CCDC192: variants seen among roughly 807,000 people sequenced by gnomAD.
CCDC192 encodes coiled-coil domain containing 192.
At chr5:127,887,531 C>A (rs1752604613) in intron 6 of CCDC192, among the ~76,000 whole-genome samples, 1 of 151,978 alleles carries the variant, frequency 6.6e-6, no homozygotes, top group African/African-American at 2.4e-5. Context: ...TTTGATGGCT[C>A]TTCAGAGTAA....
At chr5:127,830,886 C>G (rs1749764977) in intron 5 of CCDC192, among the ~76,000 whole-genome samples, 1 of 152,208 alleles carries the variant, frequency 6.6e-6, no homozygotes, top group East Asian at 1.9e-4. Context: ...TATCTAAACA[C>G]AGAATGTTAA....
chr5:127,908,694 T>A (rs1301547364), intron 6 of CCDC192, among the ~76,000 whole-genome samples: 11 of 152,202 alleles, frequency 7.2e-5, no homozygotes, highest in Non-Finnish European at 1.5e-4. Flanking sequence ...TATTTTTATT[T>A]CTCCCTCGCA....
At chr5:127,769,207 C>T (rs1755407427) in intron 3 of CCDC192, among the ~76,000 whole-genome samples, 1 of 152,004 alleles carries the variant, frequency 6.6e-6, no homozygotes, top group African/African-American at 2.4e-5. Flanking sequence ...ATAATTGCAC[C>T]AAGTGATGGA....
intron 6 of CCDC192, among the ~76,000 whole-genome samples, chr5:127,939,503 GT>G (rs1331066925): frequency 6.6e-6 from 1 of 152,078 alleles, no homozygotes; most frequent in African/African-American, 2.4e-5. Flanking sequence ...ATTCTTAAAT[GT>G]TAGTAAAGAG....
rs981418289 is a variant in CCDC192, at chr5:127,707,404, C to A, written c.63-305C>A. ...TTAGGAGGTTATGCTTTCCTCTCCC[C>A]ACTTTTTTTTTTTTAGTTGAAATAC... is the stretch of plus-strand genomic sequence containing the variant. On this transcript the variant is annotated intron_variant, in intron 1 of 6. Transcript: ENST00000514853. Among the ~76,000 whole-genome samples, 49 of 85,498 alleles carry A rather than the reference C, an allele frequency of 5.7e-4. 1 individual carries two copies. The highest frequency in any genetic ancestry group is 4.8e-3 in the Admixed American group (45 of 9,318). 56.1% of individuals were successfully genotyped at this position (85,498 alleles called of 152,430 possible).
At chr5:127,791,066 C>T (rs1226700486) in intron 3 of CCDC192, among the ~76,000 whole-genome samples, 2 of 152,066 alleles carry the variant, frequency 1.3e-5, no homozygotes, top group Non-Finnish European at 2.9e-5. Flanking sequence ...ACATATGATA[C>T]CTTATGAAGA....
chr5:127,824,320 A>G (rs554970922), intron 5 of CCDC192, among the ~76,000 whole-genome samples: 1 of 152,318 alleles, frequency 6.6e-6, no homozygotes, highest in African/African-American at 2.4e-5. Flanking sequence ...GAATTGCTCA[A>G]TGTCCCATGA....
intron 6 of CCDC192, among the ~76,000 whole-genome samples, chr5:127,876,210 C>T (rs1309839084): frequency 6.7e-6 from 1 of 150,258 alleles, no homozygotes; most frequent in Non-Finnish European, 1.5e-5. Flanking sequence ...CTCCAGCTAA[C>T]AAATTATAAA....
chr5:127,773,007 G>T (rs778326130), intron 3 of CCDC192, among the ~76,000 whole-genome samples: 17 of 152,100 alleles, frequency 1.1e-4, no homozygotes, highest in Non-Finnish European at 2.2e-4. Context: ...TTTGAAGAGA[G>T]GGGAAGTATG....
intron 5 of CCDC192, among the ~76,000 whole-genome samples, chr5:127,828,365 C>T (rs1246937754): frequency 6.6e-6 from 1 of 152,176 alleles, no homozygotes; most frequent in Non-Finnish European, 1.5e-5. Flanking sequence ...AAAAATGCAT[C>T]ACACCTTTAG....
intron 3 of CCDC192, among the ~76,000 whole-genome samples, chr5:127,783,844 T>C (rs1276081191): frequency 6.6e-6 from 1 of 152,240 alleles, no homozygotes; most frequent in Admixed American, 6.5e-5. Context: ...TTTAGGATTG[T>C]GATACTTTCC....
At chr5:127,938,763 A>C (rs1754260660) in intron 6 of CCDC192, among the ~76,000 whole-genome samples, 1 of 152,248 alleles carries the variant, frequency 6.6e-6, no homozygotes, top group Admixed American at 6.5e-5. Flanking sequence ...ATTTTTATTC[A>C]GACTAGCCAC....
chr5:127,897,065 T>C (rs1339352199), intron 6 of CCDC192, among the ~76,000 whole-genome samples: 1 of 148,192 alleles, frequency 6.7e-6, no homozygotes, highest in Non-Finnish European at 1.5e-5. Flanking sequence ...CTCTCTCTTT[T>C]TTTTTTTAAA....
intron 2 of CCDC192, among the ~76,000 whole-genome samples, chr5:127,712,583 C>T (rs767284050): frequency 1.3e-4 from 20 of 152,210 alleles, no homozygotes; most frequent in Admixed American, 2.6e-4. Context: ...AAATAAACCT[C>T]TTTTCTTTTC....
intron 2 of CCDC192, among the ~76,000 whole-genome samples, chr5:127,753,171 T>C (rs1754334099): frequency 6.6e-6 from 1 of 152,194 alleles, no homozygotes; most frequent in Non-Finnish European, 1.5e-5. Flanking sequence ...TGGAAGCAGC[T>C]GCAGCAGGAG....
chr5:127,903,930 C>T (rs1189054802), intron 6 of CCDC192, among the ~76,000 whole-genome samples: 1 of 152,062 alleles, frequency 6.6e-6, no homozygotes, highest in African/African-American at 2.4e-5. Flanking sequence ...AATGACCCTC[C>T]CCCAAAAGAT....
chr5:127,815,976 TA>T (rs1455413262), intron 5 of CCDC192, among the ~76,000 whole-genome samples: 1 of 152,196 alleles, frequency 6.6e-6, no homozygotes, highest in Non-Finnish European at 1.5e-5. Context: ...AGTATGTATA[TA>T]AAAAGTACAA....
chr5:127,859,927 A>G (rs1751285328), intron 5 of CCDC192, among the ~76,000 whole-genome samples: 1 of 151,984 alleles, frequency 6.6e-6, no homozygotes, highest in African/African-American at 2.4e-5. Flanking sequence ...CCTTCTTTTT[A>G]TCTCATGTGG....
At chr5:127,868,242 G>A (rs1036909949) in intron 5 of CCDC192, among the ~76,000 whole-genome samples, 12 of 152,076 alleles carry the variant, frequency 7.9e-5, no homozygotes, top group African/African-American at 2.2e-4. Flanking sequence ...TTCCCATGAC[G>A]TAGCCATCCC....
Sources: allele counts gnomAD v4.1 joint callset (sites outside exome capture counted in the v4.1 genomes callset), GRCh38; gene constraint gnomAD v4.1.1; transcripts MANE v1.5; gene names NCBI Gene and HGNC (gene_info 2026-07-23, HGNC 2026-07-21).